DNAAF8: variants seen among roughly 807,000 people sequenced by gnomAD.
The protein encoded by DNAAF8 is dynein axonemal-associated protein 1.
A neutral mutation model predicts 54.6 loss-of-function variants in DNAAF8; 61 were observed. That is an observed-to-expected ratio of 1.12 (90% CI 0.91 to 1.38). The LOEUF is 1.38. Ranked by LOEUF, DNAAF8 falls within the 40% of genes most tolerant of loss-of-function variation. The probability of loss-of-function intolerance (pLI) is 0.00; values close to 1 mark genes in which losing one functional copy is unlikely to be tolerated. For synonymous variants in DNAAF8, 320 were observed against 270.1 expected (o/e 1.18, Z -1.81); for missense variants, 837 against 665.0 (o/e 1.26, Z -2.85).
At chr16:4,737,344 T>G (rs557422128) in intron 2 of DNAAF8, among the ~76,000 whole-genome samples, 42 of 152,186 alleles carry the variant, frequency 2.8e-4, no homozygotes, top group Non-Finnish European at 5.3e-4. Context: ...GTGCTCAGGG[T>G]GTTTTCACAC....
At position 4,740,608 on chromosome 16, in the gene DNAAF8, C is replaced by G; in HGVS notation, c.732C>G (p.Ser244=). 3 of 1,612,430 alleles carry G rather than the reference C, an allele frequency of 1.9e-6. No homozygotes were observed. The highest frequency in any genetic ancestry group is 2.5e-6 in the Non-Finnish European group (3 of 1,179,942). The part of the protein sequence containing the change: ...PCHAAESAPR[S]KMPLVEPPEG... ...ACGCTGCGGAGTCAGCTCCCAGATC[C>G]AAAATGCCCCTCGTGGAGCCTCCGG... Residue 244 remains serine, a synonymous_variant, in exon 4 of 10, where the codon TCC becomes TCG. Transcript: ENST00000299320.
intron 4 of DNAAF8, 50 bp from the exon 5 acceptor site, chr16:4,742,993 C>A: frequency 7.0e-7 from 1 of 1,430,488 alleles, no homozygotes; most frequent in Non-Finnish European, 9.8e-7. Flanking sequence ...GGTACTTGTG[C>A]CTCTGGGACC....
At chr16:4,743,017 A>T in intron 4 of DNAAF8, 26 bp from the exon 5 acceptor site, 1 of 1,553,760 alleles carries the variant, frequency 6.4e-7, no homozygotes, top group Non-Finnish European at 8.9e-7. Flanking sequence ...CAGCATCCTC[A>T]TAATCACTGG....
chr16:4,745,550 C>G (rs2082004282), intron 6 of DNAAF8, among the ~76,000 whole-genome samples: 1 of 152,216 alleles, frequency 6.6e-6, no homozygotes, highest in African/African-American at 2.4e-5. Flanking sequence ...CCTGCCCTCC[C>G]CACACTTTGG....
chr16:4,742,677 AC>A (rs1485568874), intron 4 of DNAAF8, among the ~76,000 whole-genome samples: 2 of 152,086 alleles, frequency 1.3e-5, no homozygotes, highest in African/African-American at 2.4e-5. Flanking sequence ...CTGAGCTCGC[AC>A]CACTACACTC....
intron 5 of DNAAF8, 70 bp downstream of exon 5, chr16:4,743,230 G>C (rs1471329945): frequency 8.7e-7 from 1 of 1,152,984 alleles, no homozygotes; most frequent in Non-Finnish European, 1.2e-6. Flanking sequence ...CTCAGACACA[G>C]AGGGCTGCAG....
At chr16:4,737,713 G>A (rs1251870480) in intron 2 of DNAAF8, 87 bp from the exon 3 acceptor site, 37 of 1,493,030 alleles carry the variant, frequency 2.5e-5, no homozygotes, top group Non-Finnish European at 3.2e-5. Context: ...CTGGAAGTGA[G>A]AGTGGAGAGT....
intron 3 of DNAAF8, 107 bp downstream of exon 3, chr16:4,738,053 CCTT>C (rs948112163): frequency 1.5e-6 from 2 of 1,336,240 alleles, no homozygotes; most frequent in African/African-American, 3.0e-5. Flanking sequence ...AGAACATGGT[CCTT>C]TTTTTTTTCC....
Position 4,736,306 on chromosome 16 carries a change from G to GAC in DNAAF8, c.-51-158_-51-157insAC, listed in dbSNP as rs397830075. Among the ~76,000 whole-genome samples the GAC allele has an allele frequency of 2.0e-5, 3 of 151,716 alleles. No individual in the cohort carries two copies. In the East Asian group the frequency reaches 5.8e-4, roughly 29 times the overall value. ...ACACACACACACACGTACACACACA[G>GAC]TGCCTGGCACTAACAGGAGCTTGCA... On this transcript the variant is annotated intron_variant, in intron 1 of 9. Coordinates refer to ENST00000299320, the MANE Select transcript of DNAAF8 (RefSeq NM_139170.3).
At chr16:4,735,986 C>T (rs2081890974) in intron 1 of DNAAF8, among the ~76,000 whole-genome samples, 2 of 152,044 alleles carry the variant, frequency 1.3e-5, no homozygotes, top group South Asian at 2.1e-4. Context: ...TCTTCTGTTC[C>T]TTGGTAAAGG....
At chr16:4,746,100 G>C in intron 6 of DNAAF8, 1 of 365,432 alleles carries the variant, frequency 2.7e-6, no homozygotes, top group Non-Finnish European at 4.9e-6. Context: ...ATTTAAACTG[G>C]CTTAAATGTA....
chr16:4,747,127 T>C, intron 8 of DNAAF8, 102 bp downstream of exon 8: 1 of 1,265,732 alleles, frequency 7.9e-7, no homozygotes, highest in Non-Finnish European at 1.1e-6. Flanking sequence ...GAGGTCTTGC[T>C]GCACCCACCG....
chr16:4,739,262 C>CTTTTTTTTTTTTTT (rs1596482355), intron 3 of DNAAF8, among the ~76,000 whole-genome samples: 11 of 36,236 alleles, frequency 3.0e-4, no homozygotes, highest in African/African-American at 4.5e-4. Flanking sequence ...ATGATTTTTT[C>CTTTTTTTTTTTTTT]TTGTTTTTTT....
intron 3 of DNAAF8, among the ~76,000 whole-genome samples, chr16:4,738,925 G>A (rs1044019445): frequency 2.0e-5 from 3 of 151,912 alleles, no homozygotes; most frequent in Non-Finnish European, 2.9e-5. Flanking sequence ...CAGTGTAGAG[G>A]CACTAACCCA....
rs2081952124 is a variant in DNAAF8 at position 4,740,753 on chromosome 16, C to T, written c.783+94C>T. On this transcript the variant is annotated intron_variant, in intron 4 of 9. Coordinates refer to ENST00000299320, the MANE Select transcript of DNAAF8 (RefSeq NM_139170.3). ...ACTGGAGCTAGAAGCAGCTTGAGGG[C>T]TGGCCCACTAGGACCTTAGGCCCAT... 2.1e-6 allele frequency: 3 copies of T among 1,405,532 alleles called. No individual in the cohort carries two copies. The Admixed American group carries it at 6.9e-5, about 32-fold the overall frequency. 87.1% of individuals were successfully genotyped at this position (1,405,532 alleles called of 1,614,324 possible). A position where few individuals can be genotyped will look rare whatever the true frequency, so the allele number is the denominator to read the frequency against.
chr16:4,737,171 G>C (rs1447897455), intron 2 of DNAAF8, among the ~76,000 whole-genome samples: 2 of 152,272 alleles, frequency 1.3e-5, no homozygotes, highest in Non-Finnish European at 2.9e-5. Flanking sequence ...GGGCTGCTCA[G>C]TGCACAGGTT....
intron 5 of DNAAF8, 183 bp downstream of exon 5, chr16:4,743,343 T>C (rs958126728): frequency 5.6e-5 from 29 of 515,384 alleles, no homozygotes; most frequent in Non-Finnish European, 8.7e-5. Context: ...ATTCAACATA[T>C]ATGTGACCGC....
intron 4 of DNAAF8, among the ~76,000 whole-genome samples, chr16:4,741,836 A>C (rs2081964293): frequency 6.6e-6 from 1 of 152,216 alleles, no homozygotes; most frequent in Non-Finnish European, 1.5e-5. Flanking sequence ...AGAGGAATGC[A>C]GAGATACGCT....
chr16:4,736,148 A>G (rs993028250), intron 1 of DNAAF8, among the ~76,000 whole-genome samples: 1 of 152,144 alleles, frequency 6.6e-6, no homozygotes, highest in African/African-American at 2.4e-5. Context: ...TATCGTACAT[A>G]TGGCATTCTA....
Sources: allele counts gnomAD v4.1 joint callset (sites outside exome capture counted in the v4.1 genomes callset), GRCh38; gene constraint gnomAD v4.1.1; transcripts MANE v1.5; gene names NCBI Gene and HGNC (gene_info 2026-07-23, HGNC 2026-07-21).